The following FYN variants were observed in gnomAD, a reference collection of about 807,000 sequenced individuals.
FYN encodes FYN proto-oncogene, Src family tyrosine kinase.
Under a neutral mutation model 70.2 loss-of-function variants are expected in FYN, and 10 were observed. The observed-to-expected ratio is 0.14, with a 90% CI of 0.09 to 0.24. FYN has a LOEUF of 0.24. Ranked by LOEUF, FYN falls within the 10% of genes least tolerant of loss-of-function variation. The probability of loss-of-function intolerance (pLI) is 1.00; values close to 1 mark genes in which losing one functional copy is unlikely to be tolerated. For missense variants in FYN, 319 were observed against 673.1 expected, an observed-to-expected ratio of 0.47 and a Z score of 5.82; for synonymous variants, 236 against 248.6, an observed-to-expected ratio of 0.95 and a Z score of 0.48.
intron 8 of FYN, 103 bp from the exon 9 acceptor site, chr6:111,700,371 C>CA (rs1365140831): frequency 2.6e-6 from 3 of 1,170,050 alleles, no homozygotes; most frequent in Non-Finnish European, 2.4e-6. Flanking sequence ...CAGTGCTCCT[C>CA]AAACAGTGCT....
intron 2 of FYN, among the ~76,000 whole-genome samples, chr6:111,797,155 T>C (rs1322137869): frequency 6.6e-6 from 1 of 152,202 alleles, no homozygotes; most frequent in Non-Finnish European, 1.5e-5. Flanking sequence ...TGCTGCATGT[T>C]ATCAGGGTCA....
At chr6:111,750,226 T>C (rs1373198592) in intron 3 of FYN, among the ~76,000 whole-genome samples, 3 of 152,192 alleles carry the variant, frequency 2.0e-5, no homozygotes, top group African/African-American at 7.2e-5. Flanking sequence ...TGGGAGGTAA[T>C]TGGGTCATGG....
At chr6:111,854,614 A>G (rs910009805) in intron 1 of FYN, among the ~76,000 whole-genome samples, 1 of 152,240 alleles carries the variant, frequency 6.6e-6, no homozygotes, top group Non-Finnish European at 1.5e-5. Flanking sequence ...GAATTGTCTG[A>G]ATGCTCTCAT....
chr6:111,821,444 A>T (rs1772659129), intron 2 of FYN, among the ~76,000 whole-genome samples: 1 of 152,214 alleles, frequency 6.6e-6, no homozygotes. Flanking sequence ...TAGAGAGCTG[A>T]AACTGGATCC....
chr6:111,683,743 C>A (rs1223348397), intron 12 of FYN, among the ~76,000 whole-genome samples: 10 of 150,616 alleles, frequency 6.6e-5, no homozygotes, highest in African/African-American at 2.4e-4. Context: ...AAAAAAATCA[C>A]AAACAATGCC....
chr6:111,740,137 G>A (rs934015884), intron 3 of FYN, among the ~76,000 whole-genome samples: 51 of 152,066 alleles, frequency 3.4e-4, no homozygotes, highest in African/African-American at 1.2e-3. Context: ...ATCAACTAAA[G>A]GTTTTAAATA....
intron 2 of FYN, among the ~76,000 whole-genome samples, chr6:111,814,782 T>C (rs1224597616): frequency 6.6e-6 from 1 of 152,210 alleles, no homozygotes; most frequent in Non-Finnish European, 1.5e-5. Context: ...AAATAATTAA[T>C]TTTCCATTAA....
At chr6:111,683,240 GA>G (rs1798849684) in intron 12 of FYN, among the ~76,000 whole-genome samples, 1 of 152,226 alleles carries the variant, frequency 6.6e-6, no homozygotes, top group Non-Finnish European at 1.5e-5. Context: ...CAGGAAAAGA[GA>G]ACATAAGCAG....
intron 5 of FYN, among the ~76,000 whole-genome samples, chr6:111,708,769 G>A (rs924550224): frequency 1.3e-5 from 2 of 152,198 alleles, no homozygotes; most frequent in Admixed American, 1.3e-4. Flanking sequence ...AAGGGAGTGA[G>A]ATTTTTAGTC....
chr6:111,756,587 A>G (rs1562507628), intron 3 of FYN, among the ~76,000 whole-genome samples: 1 of 152,170 alleles, frequency 6.6e-6, no homozygotes, highest in Non-Finnish European at 1.5e-5. Context: ...AAATATCAGC[A>G]AACAGAACCC....
chr6:111,800,865 G>A (rs888681450), intron 2 of FYN, among the ~76,000 whole-genome samples: 10 of 152,130 alleles, frequency 6.6e-5, no homozygotes, highest in Non-Finnish European at 2.9e-5. Flanking sequence ...AACCCATGGG[G>A]GCTGCAGCAG....
chr6:111,868,333 G>A (rs1385210257), intron 1 of FYN, among the ~76,000 whole-genome samples: 1 of 152,170 alleles, frequency 6.6e-6, no homozygotes, highest in Non-Finnish European at 1.5e-5. Context: ...ATGAATGAAT[G>A]CTGTTAAATG....
intron 12 of FYN, among the ~76,000 whole-genome samples, chr6:111,674,985 T>C (rs917839175): frequency 3.3e-5 from 5 of 152,200 alleles, no homozygotes; most frequent in African/African-American, 1.2e-4. Context: ...TCCTCGGGTA[T>C]ATAAGATAGT....
At chr6:111,757,355 G>A (rs1802784196) in intron 3 of FYN, among the ~76,000 whole-genome samples, 1 of 152,178 alleles carries the variant, frequency 6.6e-6, no homozygotes, top group Admixed American at 6.5e-5. Flanking sequence ...AAAACTCTGA[G>A]AGGCAGGGAG....
intron 3 of FYN, among the ~76,000 whole-genome samples, chr6:111,756,925 C>G (rs1350518005): frequency 6.6e-6 from 1 of 152,178 alleles, no homozygotes; most frequent in Non-Finnish European, 1.5e-5. Context: ...AGCTAAGGAT[C>G]TGTGCTATCC....
chr6:111,770,473 G>A (rs1803402791), intron 3 of FYN, among the ~76,000 whole-genome samples: 1 of 152,144 alleles, frequency 6.6e-6, no homozygotes, highest in Non-Finnish European at 1.5e-5. Context: ...CATTGTGGGT[G>A]ACAAGGTGAC....
intron 1 of FYN, among the ~76,000 whole-genome samples, chr6:111,851,647 T>C (rs1384180973): frequency 4.6e-5 from 7 of 152,204 alleles, no homozygotes; most frequent in Admixed American, 4.6e-4. Flanking sequence ...AGAGGCTGGC[T>C]TGGAAACCAA....
chr6:111,743,423 T>G (rs1268765058), intron 3 of FYN, among the ~76,000 whole-genome samples: 1 of 152,202 alleles, frequency 6.6e-6, no homozygotes, highest in Non-Finnish European at 1.5e-5. Context: ...TAAATGGGTT[T>G]TACATGAAAA....
chr6:111,688,648 TGTGTGTGCTC>T (rs1217286885), intron 12 of FYN, among the ~76,000 whole-genome samples: 1 of 152,078 alleles, frequency 6.6e-6, no homozygotes, highest in Admixed American at 6.5e-5. Flanking sequence ...TCATGCAGCG[TGTGTGTGCTC>T]ATGTGTGCTC....
Sources: allele counts gnomAD v4.1 joint callset (sites outside exome capture counted in the v4.1 genomes callset), GRCh38; gene constraint gnomAD v4.1.1; transcripts MANE v1.5; gene names NCBI Gene and HGNC (gene_info 2026-07-23, HGNC 2026-07-21).